Variants in XPOT observed in about 807,000 individuals in gnomAD.
XPOT encodes the protein exportin-T.
Under a neutral mutation model 128.2 loss-of-function variants are expected in XPOT, and 34 were observed. The observed-to-expected ratio is 0.27, with a 90% CI of 0.20 to 0.35. The LOEUF is 0.35. Ranked by LOEUF, XPOT falls within the 10% of genes least tolerant of loss-of-function variation. The pLI is 1.00. For missense variants in XPOT, 838 were observed against 1,125.3 expected, an observed-to-expected ratio of 0.74 and a Z score of 3.65; for synonymous variants, 348 against 394.3, an observed-to-expected ratio of 0.88 and a Z score of 1.39.
At chr12:64,406,524 A>G (rs940975494) in intron 1 of XPOT, among the ~76,000 whole-genome samples, 2 of 151,334 alleles carry the variant, frequency 1.3e-5, no homozygotes, top group African/African-American at 4.9e-5. Context: ...ATGTGCCACC[A>G]CACCCGGCTA....
At position 64,425,887 on chromosome 12, in the gene XPOT, T is replaced by C. The variant is rs2040188411; in HGVS notation, c.1645T>C (p.Ser549Pro). 6.2e-7 allele frequency: 1 copy of C among 1,614,062 alleles called. No individual in the cohort carries two copies. The highest frequency in any genetic ancestry group is 1.3e-5 in the African/African-American group (1 of 74,940). ...KVRSRTAYLFSRFVKSLNKQM... is the reference protein window; with the variant it reads ...KVRSRTAYLFPRFVKSLNKQM... ...TCGGAGCAGGACGGCTTACCTGTTT[T>C]CTAGATTTGTCAAATCTCTCAAGTA... The change falls in exon 15 of 25, where the codon TCT becomes CCT. Residue 549 changes from serine to proline, a missense_variant. Transcript: ENST00000332707.
intron 6 of XPOT, 92 bp downstream of exon 6, chr12:64,419,186 T>A: frequency 9.7e-7 from 1 of 1,032,426 alleles, no homozygotes; most frequent in Non-Finnish European, 1.4e-6. Context: ...GTTTTCTTTC[T>A]TGAGGTAAAC....
intron 24 of XPOT, among the ~76,000 whole-genome samples, chr12:64,447,037 CATCT>C (rs2040371925): frequency 6.6e-6 from 1 of 152,194 alleles, no homozygotes; most frequent in Admixed American, 6.5e-5. Context: ...GAGCAGGTCA[CATCT>C]TACGTGGATG....
chr12:64,425,773 C>T (rs376928482), intron 14 of XPOT, 42 bp from the exon 15 acceptor site: 3 of 1,588,644 alleles, frequency 1.9e-6, no homozygotes, highest in Admixed American at 3.4e-5. Flanking sequence ...CAACAAAACC[C>T]TTGAAAAAAT....
intron 2 of XPOT, among the ~76,000 whole-genome samples, chr12:64,413,194 G>T (rs189709933): frequency 1.3e-5 from 2 of 152,084 alleles, no homozygotes; most frequent in African/African-American, 4.8e-5. Flanking sequence ...TGTTGACCCC[G>T]AAGTCTCTAG....
chr12:64,405,763 G>A (rs1455754839), intron 1 of XPOT, among the ~76,000 whole-genome samples: 1 of 151,976 alleles, frequency 6.6e-6, no homozygotes, highest in Non-Finnish European at 1.5e-5. Flanking sequence ...TATTACAGGT[G>A]CGCCCCGCCA....
chr12:64,436,985 C>G (rs900100673), intron 22 of XPOT, among the ~76,000 whole-genome samples: 5 of 152,280 alleles, frequency 3.3e-5, no homozygotes, highest in Middle Eastern at 6.8e-3. Context: ...AGAATGCCAG[C>G]ACAGGACTGT....
intron 22 of XPOT, among the ~76,000 whole-genome samples, chr12:64,438,213 T>G (rs1480278012): frequency 2.0e-5 from 3 of 152,238 alleles, no homozygotes; most frequent in Non-Finnish European, 4.4e-5. Context: ...AGTCAAACAA[T>G]ATTTTAAAGT....
chr12:64,410,591 G>C (rs779454540), intron 2 of XPOT, among the ~76,000 whole-genome samples: 1 of 151,996 alleles, frequency 6.6e-6, no homozygotes, highest in Non-Finnish European at 1.5e-5. Context: ...TAAAATGCTA[G>C]GATTATAGGC....
rs2040112492 is a variant in XPOT, at chr12:64,418,929, C to A, written c.324C>A (p.Val108=). Residue 108 remains valine (V), a synonymous_variant, in exon 6 of 25, where the codon GTC becomes GTA. Coordinates refer to ENST00000332707, the MANE Select transcript of XPOT (RefSeq NM_007235.6). ...KTFIRNKAAQ[V]FALLFVTEYL... ...TTATACGAAATAAAGCCGCCCAAGT[C>A]TTCGCCTTGCTTTTTGTTACAGAGT... The A allele has an allele frequency of 6.2e-7, 1 of 1,613,890 alleles. No individual in the cohort carries two copies. Among genetic ancestry groups the A allele is most frequent in the East Asian group, 2.2e-5 (1 of 44,890 alleles).
chr12:64,420,321 A>G (rs761332859), intron 7 of XPOT, 32 bp from the exon 8 acceptor site: 2 of 1,602,468 alleles, frequency 1.2e-6, no homozygotes, highest in Non-Finnish European at 1.7e-6. Flanking sequence ...CATGACTTTG[A>G]AAATGTTACA....
chr12:64,448,647 T>TA lies in XPOT; in HGVS notation c.*516_*517insA, dbSNP rs1013377966. The TA allele has an allele frequency of 1.6e-4, 25 of 151,604 alleles. No homozygotes were observed. The highest frequency in any genetic ancestry group is 6.2e-4 in the South Asian group (3 of 4,810). 9.4% of individuals were successfully genotyped at this position (151,604 alleles called of 1,614,324 possible). ...TTAGGCTCCAGTGTTATACTTTTTTTTATATATATATATAAAAATAAACTT... is the reference window on the plus strand; with the variant it reads ...TTAGGCTCCAGTGTTATACTTTTTTTATATATATATATATAAAAATAAACTT... On this transcript the variant is annotated 3_prime_UTR_variant, in exon 25 of 25. Coordinates refer to ENST00000332707, the MANE Select transcript of XPOT (RefSeq NM_007235.6).
chr12:64,434,924 A>G lies in XPOT; in HGVS notation c.2685+15A>G, dbSNP rs764803560. The G allele has an allele frequency of 1.1e-5, 18 of 1,600,160 alleles. No individual in the cohort carries two copies. Among genetic ancestry groups the G allele is most frequent in the Non-Finnish European group, 1.5e-5 (17 of 1,169,440 alleles). On this transcript the variant is annotated intron_variant, in intron 21 of 24. Transcript: ENST00000332707. ...AAACAGTATTGGTAAGCACCTAGGA[A>G]TCTTTGTTTACCTTGTGTAGCTCAT...
At chr12:64,435,000 GA>G in intron 21 of XPOT, 91 bp downstream of exon 21, 1 of 1,114,520 alleles carries the variant, frequency 9.0e-7, no homozygotes, top group Non-Finnish European at 1.3e-6. Flanking sequence ...ATGTTTCATT[GA>G]TTTTTTTTTT....
chr12:64,425,905 C>T lies in XPOT; in HGVS notation c.1663C>T (p.Leu555Phe). Residue 555 changes from leucine (L) to phenylalanine (F), a missense_variant, in exon 15 of 25, where the codon CTC (leucine) becomes TTC (phenylalanine). Transcript: ENST00000332707. ...CCTGTTTTCTAGATTTGTCAAATCT[C>T]TCAAGTAAGTATAAAATTGCAGCTA... ...AYLFSRFVKSLNKQMNPFIED... is the reference protein window; with the variant it reads ...AYLFSRFVKSFNKQMNPFIED... 1 of 1,612,886 alleles carries T rather than the reference C, an allele frequency of 6.2e-7. No individual in the cohort carries two copies.
intron 19 of XPOT, 123 bp downstream of exon 19, chr12:64,433,726 C>CA (rs1304971087): frequency 1.1e-6 from 1 of 892,270 alleles, no homozygotes; most frequent in African/African-American, 1.7e-5. Flanking sequence ...CATGGGAAGA[C>CA]AGTTTATTGT....
chr12:64,412,649 A>G (rs532165004), intron 2 of XPOT, among the ~76,000 whole-genome samples: 130 of 152,298 alleles, frequency 8.5e-4, no homozygotes, highest in Non-Finnish European at 1.6e-3. Flanking sequence ...CAATACCAAC[A>G]ACCAACTCTC....
chr12:64,409,417 C>A (rs979367572), intron 1 of XPOT, among the ~76,000 whole-genome samples: 2 of 152,082 alleles, frequency 1.3e-5, no homozygotes, highest in Non-Finnish European at 2.9e-5. Flanking sequence ...ACTAAGAAAG[C>A]TTGAGGACCT....
At chr12:64,438,227 TTG>T (rs1189839905) in intron 22 of XPOT, among the ~76,000 whole-genome samples, 1 of 152,230 alleles carries the variant, frequency 6.6e-6, no homozygotes, top group African/African-American at 2.4e-5. Flanking sequence ...TTAAAGTGTT[TTG>T]CTTCAGAAAA....
Sources: allele counts gnomAD v4.1 joint callset (sites outside exome capture counted in the v4.1 genomes callset), GRCh38; gene constraint gnomAD v4.1.1; transcripts MANE v1.5; gene names NCBI Gene and HGNC (gene_info 2026-07-23, HGNC 2026-07-21).